The following TNFSF8 variants were observed in gnomAD, a reference collection of about 807,000 sequenced individuals.
TNFSF8 encodes the protein tumor necrosis factor ligand superfamily member 8.
Under a neutral mutation model 22.0 loss-of-function variants are expected in TNFSF8, and 4 were observed. That is an observed-to-expected ratio of 0.18 (90% CI 0.09 to 0.42). The LOEUF (loss-of-function observed/expected upper bound fraction) is 0.42, where lower values mean the gene tolerates loss of function less well. Ranked by LOEUF, TNFSF8 falls within the 10% of genes least tolerant of loss-of-function variation. The pLI is 1.00. For synonymous variants in TNFSF8, 106 were observed against 112.5 expected, an observed-to-expected ratio of 0.94 and a Z score of 0.37; for missense variants, 233 against 281.8, an observed-to-expected ratio of 0.83 and a Z score of 1.24.
chr9:114,903,589 CCCCATT>C lies in TNFSF8; in HGVS notation c.*336_*341del, dbSNP rs1827744578. ...GTTGCTAGCTGCTCTGGTACTGGAG[CCCCATT>C]TTAACTGGAGGCTCTCAAAACAGAA... On this transcript the variant is annotated 3_prime_UTR_variant, in exon 4 of 4. Coordinates refer to ENST00000223795, the MANE Select transcript of TNFSF8 (RefSeq NM_001244.4). 4 of 580,064 alleles carry C rather than the reference CCCCATT, an allele frequency of 6.9e-6. No individual in the cohort carries two copies. The highest frequency in any genetic ancestry group is 2.0e-5 in the African/African-American group (1 of 49,456). 35.9% of individuals were successfully genotyped at this position (580,064 alleles called of 1,614,324 possible).
intron 1 of TNFSF8, among the ~76,000 whole-genome samples, chr9:114,921,663 C>G (rs1275179052): frequency 6.6e-6 from 1 of 152,206 alleles, no homozygotes; most frequent in Non-Finnish European, 1.5e-5. Context: ...CTAGAATTCT[C>G]TCCCTAATCT....
chr9:114,912,452 C>A (rs147142941), intron 2 of TNFSF8, among the ~76,000 whole-genome samples: 2 of 152,226 alleles, frequency 1.3e-5, no homozygotes, highest in South Asian at 2.1e-4. Flanking sequence ...TGCAGTAGTG[C>A]GATCTTGGCT....
chr9:114,927,686 G>A (rs1190233932), intron 1 of TNFSF8, among the ~76,000 whole-genome samples: 1 of 152,096 alleles, frequency 6.6e-6, no homozygotes, highest in Non-Finnish European at 1.5e-5. Context: ...CACGTGCCTT[G>A]GGATAAGAAT....
chr9:114,907,624 CTG>C, intron 2 of TNFSF8, among the ~76,000 whole-genome samples: 2 of 152,268 alleles, frequency 1.3e-5, no homozygotes, highest in Middle Eastern at 3.4e-3. Context: ...ACTGAACTCT[CTG>C]GTCTCACCCC....
chr9:114,922,772 A>G (rs144908977), intron 1 of TNFSF8, among the ~76,000 whole-genome samples: 2 of 152,324 alleles, frequency 1.3e-5, no homozygotes, highest in African/African-American at 4.8e-5. Context: ...CAAAGTGAGA[A>G]GTGGACCACA....
intron 1 of TNFSF8, among the ~76,000 whole-genome samples, chr9:114,919,215 A>G (rs1386502717): frequency 6.6e-6 from 1 of 152,130 alleles, no homozygotes; most frequent in African/African-American, 2.4e-5. Flanking sequence ...ATATTTAAAT[A>G]TACAAATATG....
rs1264442310 is a variant in TNFSF8, at chr9:114,902,177, G to T, written c.*1754C>A. The T allele has an allele frequency of 4.1e-6, 4 of 985,396 alleles. No individual in the cohort carries two copies. In the African/African-American group the frequency reaches 5.2e-5, roughly 13 times the overall value. 61.0% of individuals were successfully genotyped at this position (985,396 alleles called of 1,614,324 possible). A position where few individuals can be genotyped will look rare whatever the true frequency, so the allele number is the denominator to read the frequency against. ...AGATGCCAAGTTGGATATAGCTAGA[G>T]AAATCTCATGGCTACCCCAATCAGG... On this transcript the variant is annotated 3_prime_UTR_variant, in exon 4 of 4. Coordinates refer to ENST00000223795, the MANE Select transcript of TNFSF8 (RefSeq NM_001244.4).
At position 114,901,292 on chromosome 9, in the gene TNFSF8, A is replaced by G; in HGVS notation, c.*2639T>C. 2 of 985,350 alleles carry G rather than the reference A, an allele frequency of 2.0e-6. No individual in the cohort carries two copies. The highest frequency in any genetic ancestry group is 1.7e-5 in the African/African-American group (1 of 57,336). The allele number at this position is 985,350 out of a possible 1,614,324, so 61.0% of individuals were successfully genotyped here. A position where few individuals can be genotyped will look rare whatever the true frequency, so the allele number is the denominator to read the frequency against. On this transcript the variant is annotated 3_prime_UTR_variant, in exon 4 of 4. Coordinates refer to ENST00000223795, the MANE Select transcript of TNFSF8 (RefSeq NM_001244.4). ...ACTTCCTGGGTTGCCTACTCCCTACATATCTATCAGTTGAGTTATTAATGA... is the reference window on the plus strand; with the variant it reads ...ACTTCCTGGGTTGCCTACTCCCTACGTATCTATCAGTTGAGTTATTAATGA...
At chr9:114,918,166 A>T (rs1827943512) in intron 1 of TNFSF8, 28 bp from the exon 2 acceptor site, 3 of 1,596,064 alleles carry the variant, frequency 1.9e-6, no homozygotes, top group Non-Finnish European at 2.6e-6. Context: ...AAAAAGCAGC[A>T]TGAGGTGTGA....
downstream of TNFSF8, among the ~76,000 whole-genome samples, chr9:114,899,212 A>T (rs1172593158): frequency 6.6e-6 from 1 of 152,176 alleles, no homozygotes; most frequent in Non-Finnish European, 1.5e-5. Context: ...GCTGCAAAAG[A>T]ATAAGGAAAG....
At chr9:114,921,742 G>A (rs1827990064) in intron 1 of TNFSF8, among the ~76,000 whole-genome samples, 1 of 152,196 alleles carries the variant, frequency 6.6e-6, no homozygotes, top group Middle Eastern at 3.2e-3. Context: ...CTTTGTGTAA[G>A]GTAGTGCCTA....
At chr9:114,919,200 A>T (rs1170739723) in intron 1 of TNFSF8, among the ~76,000 whole-genome samples, 3 of 152,082 alleles carry the variant, frequency 2.0e-5, no homozygotes, top group African/African-American at 7.2e-5. Context: ...ATTTATTACA[A>T]GTTTATATTT....
At chr9:114,893,799 T>C (rs2131336658) in exon 5 of TNFSF8, 1 of 387,834 alleles carries the variant, frequency 2.6e-6, no homozygotes, top group South Asian at 2.8e-5. Context: ...CACACAGTCA[T>C]ACATTTTGGG....
downstream of TNFSF8, among the ~76,000 whole-genome samples, chr9:114,899,068 T>A (rs925083950): frequency 6.6e-6 from 1 of 152,028 alleles, no homozygotes; most frequent in African/African-American, 2.4e-5. Context: ...ACTACTAAGC[T>A]CGTATTTGAA....
Position 114,903,158 on chromosome 9 carries a change from G to A in TNFSF8, c.*773C>T, listed in dbSNP as rs1392748476. The A allele has an allele frequency of 6.6e-6, 1 of 152,312 alleles. No individual in the cohort carries two copies. The highest frequency in any genetic ancestry group is 1.5e-5 in the Non-Finnish European group (1 of 68,098). 9.4% of individuals were successfully genotyped at this position (152,312 alleles called of 1,614,324 possible). On this transcript the variant is annotated 3_prime_UTR_variant, in exon 4 of 4. Transcript: ENST00000223795. ...TTATTCCTGCCTCATGTAACCTAGAGAAGGAGGACTGCCCTTCAGACTCAT... is the reference window on the plus strand; with the variant it reads ...TTATTCCTGCCTCATGTAACCTAGAAAAGGAGGACTGCCCTTCAGACTCAT...
chr9:114,918,090 T>A lies in TNFSF8; in HGVS notation c.238+6A>T, dbSNP rs886501873. 1 of 1,603,430 alleles carries A rather than the reference T, an allele frequency of 6.2e-7. No homozygotes were observed. The highest frequency in any genetic ancestry group is 1.3e-5 in the African/African-American group (1 of 74,086). ...TACACATTTACACCTAATTCCAAGA[T>A]CTTACCTCCTTTGAGGGGGACGTTG... is the stretch of plus-strand genomic sequence containing the variant. On this transcript the variant is annotated splice_donor_region_variant and intron_variant, in intron 2 of 3. Transcript: ENST00000223795.
chr9:114,911,873 T>C (rs73659307), intron 2 of TNFSF8, among the ~76,000 whole-genome samples: 1,528 of 152,282 alleles, frequency 0.01, 29 homozygotes, highest in African/African-American at 0.034. Context: ...ACAGGTTGAA[T>C]TGACATTACT....
intron 2 of TNFSF8, among the ~76,000 whole-genome samples, chr9:114,910,236 TAGAA>T (rs1382951843): frequency 1.3e-5 from 2 of 151,960 alleles, no homozygotes; most frequent in Non-Finnish European, 2.9e-5. Flanking sequence ...AGGAGAGAGA[TAGAA>T]AGAGAGGTTG....
intron 3 of TNFSF8, among the ~76,000 whole-genome samples, chr9:114,904,584 A>G (rs1373070731): frequency 6.6e-6 from 1 of 152,144 alleles, no homozygotes; most frequent in Non-Finnish European, 1.5e-5. Context: ...TCTACCTCCT[A>G]TAGAATGGTT....
Sources: allele counts gnomAD v4.1 joint callset (sites outside exome capture counted in the v4.1 genomes callset), GRCh38; gene constraint gnomAD v4.1.1; transcripts MANE v1.5; gene names NCBI Gene and HGNC (gene_info 2026-07-23, HGNC 2026-07-21).